CUX2: variants seen among roughly 807,000 people sequenced by gnomAD.
The protein encoded by CUX2 is homeobox protein cut-like 2.
CUX2 carries 40 observed loss-of-function variants against 144.8 expected under a neutral mutation model. That is an observed-to-expected ratio of 0.28 (90% CI 0.21 to 0.36). The LOEUF (loss-of-function observed/expected upper bound fraction) is 0.36. CUX2 is among the 10% of genes least tolerant of loss of function. CUX2 has a pLI of 1.00. For missense variants in CUX2, 1,615 were observed against 1,994.0 expected (o/e 0.81, Z 3.62); for synonymous variants, 827 against 875.6 (o/e 0.94, Z 0.98).
chr12:111,191,396 A>G, intron 1 of CUX2, among the ~76,000 whole-genome samples: 1 of 151,918 alleles, frequency 6.6e-6, no homozygotes, highest in Middle Eastern at 3.2e-3. Context: ...CAGTAGCATG[A>G]TCTCAGCTCA....
chr12:111,194,105 T>G (rs760389671), intron 1 of CUX2, among the ~76,000 whole-genome samples: 2 of 152,156 alleles, frequency 1.3e-5, no homozygotes, highest in Non-Finnish European at 2.9e-5. Context: ...AGCAGTAGCC[T>G]TGTCACTAAA....
intron 1 of CUX2, among the ~76,000 whole-genome samples, chr12:111,093,610 A>C (rs555446995): frequency 3.3e-5 from 5 of 152,112 alleles, no homozygotes; most frequent in African/African-American, 1.2e-4. Flanking sequence ...CAGCTCACCC[A>C]GGGCAGCAGG....
chr12:111,139,878 A>G (rs1876180932), intron 1 of CUX2, among the ~76,000 whole-genome samples: 1 of 152,174 alleles, frequency 6.6e-6, no homozygotes, highest in African/African-American at 2.4e-5. Context: ...AGATGTTAAA[A>G]TCGGACAAAC....
chr12:111,252,026 A>G (rs2136276200), intron 3 of CUX2, among the ~76,000 whole-genome samples: 1 of 152,276 alleles, frequency 6.6e-6, no homozygotes. Context: ...CAAAAAAAGA[A>G]AACGAAAATA....
At chr12:111,158,866 C>G (rs748750533) in intron 1 of CUX2, among the ~76,000 whole-genome samples, 6 of 152,194 alleles carry the variant, frequency 3.9e-5, no homozygotes, top group Non-Finnish European at 5.9e-5. Flanking sequence ...ATGAGCCAGT[C>G]TCTGCCCATG....
chr12:111,089,605 A>G (rs998362873), intron 1 of CUX2, among the ~76,000 whole-genome samples: 1 of 152,214 alleles, frequency 6.6e-6, no homozygotes, highest in Non-Finnish European at 1.5e-5. Context: ...AACAGCGGCC[A>G]TCCAGAGGGC....
rs1478083018 is a variant in CUX2, at chr12:111,310,764, C to G, written c.1900+82C>G. Reference sequence around the variant, plus strand: ...GGGCTGGGGGCTGAGGACACGCGCTCTGGGTTCAAAGCCCAGCTCTACCAC... The same window carrying G: ...GGGCTGGGGGCTGAGGACACGCGCTGTGGGTTCAAAGCCCAGCTCTACCAC... On this transcript the variant is annotated intron_variant, in intron 15 of 21. Coordinates refer to ENST00000261726, the MANE Select transcript of CUX2 (RefSeq NM_015267.4). The surrounding 1 kb of genome is among the most constrained non-coding windows in gnomAD (Gnocchi z 7.9). 8 of 1,456,030 alleles carry G rather than the reference C, an allele frequency of 5.5e-6. No homozygotes were observed. In the East Asian group the frequency reaches 1.4e-4, roughly 26 times the overall value. The allele number at this position is 1,456,030 out of a possible 1,614,324, so 90.2% of individuals were successfully genotyped here.
chr12:111,087,241 AC>A (rs1478731427), intron 1 of CUX2, among the ~76,000 whole-genome samples: 2 of 151,520 alleles, frequency 1.3e-5, no homozygotes, highest in African/African-American at 4.9e-5. Flanking sequence ...GGTGGCGGGC[AC>A]CTGTAATCCC....
intron 3 of CUX2, among the ~76,000 whole-genome samples, chr12:111,234,205 A>G (rs568391113): frequency 6.6e-6 from 1 of 152,352 alleles, no homozygotes; most frequent in Admixed American, 6.5e-5. Flanking sequence ...ACTCACTGTC[A>G]GGGAATAGGA....
At chr12:111,305,314 T>C (rs1338539514) in intron 10 of CUX2, among the ~76,000 whole-genome samples, 4 of 152,184 alleles carry the variant, frequency 2.6e-5, no homozygotes, top group Non-Finnish European at 5.9e-5. Context: ...CCCATGAACC[T>C]GAACTTGCGA....
Position 111,058,852 on chromosome 12 carries a change from G to A in CUX2, c.63+24612G>A, listed in dbSNP as rs375000481. On this transcript the variant is annotated intron_variant, in intron 1 of 21. Transcript: ENST00000261726. ...AGTAGGACATTCCTGAAAATAAGAG[G>A]AGGAACACATCCACCCTAGGTACAA... Among the ~76,000 whole-genome samples the A allele has an allele frequency of 5.9e-5, 9 of 152,130 alleles. No individual in the cohort carries two copies. The East Asian group carries it at 1.2e-3, about 20-fold the overall frequency.
At chr12:111,291,171 A>G (rs908032180) in intron 4 of CUX2, among the ~76,000 whole-genome samples, 5 of 152,122 alleles carry the variant, frequency 3.3e-5, no homozygotes, top group African/African-American at 1.2e-4. Flanking sequence ...GGCCTGGCCA[A>G]CTATTATTAT....
At chr12:111,107,423 A>T (rs1307384101) in intron 1 of CUX2, among the ~76,000 whole-genome samples, 3 of 152,274 alleles carry the variant, frequency 2.0e-5, no homozygotes, top group Non-Finnish European at 4.4e-5. Context: ...CAAAGATGTC[A>T]TGTACATGTC....
intron 4 of CUX2, among the ~76,000 whole-genome samples, chr12:111,264,370 G>C (rs1884275602): frequency 6.6e-6 from 1 of 152,178 alleles, no homozygotes; most frequent in Admixed American, 6.5e-5. Context: ...AATCCATATG[G>C]CCATCAATGG....
At chr12:111,125,412 C>T (rs1874996543) in intron 1 of CUX2, among the ~76,000 whole-genome samples, 1 of 152,198 alleles carries the variant, frequency 6.6e-6, no homozygotes, top group Non-Finnish European at 1.5e-5. Flanking sequence ...CTCTTGGACT[C>T]AGGTGATCTG....
intron 1 of CUX2, among the ~76,000 whole-genome samples, chr12:111,163,851 C>T (rs946791230): frequency 1.3e-5 from 2 of 152,134 alleles, no homozygotes; most frequent in Non-Finnish European, 2.9e-5. Flanking sequence ...TCAAGTTACC[C>T]AGGGGCGTTC....
At chr12:111,249,212 G>A (rs1883432247) in intron 3 of CUX2, among the ~76,000 whole-genome samples, 1 of 152,154 alleles carries the variant, frequency 6.6e-6, no homozygotes, top group African/African-American at 2.4e-5. Context: ...AACAGGCTCT[G>A]GAGCCCGGGC....
At chr12:111,192,614 C>G (rs1879966009) in intron 1 of CUX2, among the ~76,000 whole-genome samples, 1 of 152,254 alleles carries the variant, frequency 6.6e-6, no homozygotes, top group South Asian at 2.1e-4. Flanking sequence ...GAGAACTTGT[C>G]TGTCCAGTTC....
Position 111,348,101 on chromosome 12 carries a change from G to C in CUX2, c.4237G>C (p.Val1413Leu). Residue 1413 changes from valine (V) to leucine (L), a missense_variant, in exon 22 of 22, where the codon GTC (valine) becomes CTC (leucine). Val to Leu is a conservative substitution (Grantham distance 32). Around this residue, in one of 12 missense-constraint regions of CUX2, gnomAD observed 298 missense variants for 330.4 expected, o/e 0.90. Coordinates refer to ENST00000261726, the MANE Select transcript of CUX2 (RefSeq NM_015267.4). Reference sequence around the variant, plus strand: ...AGGCCTCATGATGTCTGTGTCACCTGTCCCCTCCTCCTCAGCTCCCATCTC... The same window carrying C: ...AGGCCTCATGATGTCTGTGTCACCTCTCCCCTCCTCCTCAGCTCCCATCTC... ...SPGLMMSVSPVPSSSAPISPS... is the reference protein window; with the variant it reads ...SPGLMMSVSPLPSSSAPISPS... 6.2e-7 allele frequency: 1 copy of C among 1,614,070 alleles called. No homozygotes were observed.
Sources: gnomAD v4.1 joint callset for allele counts (sites outside exome capture counted in the v4.1 genomes callset) on GRCh38, gnomAD v4.1.1 for gene constraint, gnomAD v4.1.1 regional missense constraint, Gnocchi (gnomAD v3.1) non-coding constraint, MANE v1.5 for transcripts, NCBI Gene and HGNC (gene_info 2026-07-23, HGNC 2026-07-21) for gene names.